Variants in TMEM235 observed in about 807,000 individuals in gnomAD.
TMEM235 encodes transmembrane protein 235.
Under a neutral mutation model 22.9 loss-of-function variants are expected in TMEM235, and 23 were observed. That is an observed-to-expected ratio of 1.00 (90% CI 0.72 to 1.42). The LOEUF is 1.42. Ranked by LOEUF, TMEM235 falls within the 40% of genes most tolerant of loss-of-function variation. The pLI is 0.00. For synonymous variants in TMEM235, 137 were observed against 140.5 expected (o/e 0.98, Z 0.17); for missense variants, 308 against 299.5 (o/e 1.03, Z -0.21).
rs1307818897 is a variant in TMEM235, at chr17:78,238,993, C to G, written c.410-31C>G. The G allele has an allele frequency of 6.6e-7, 1 of 1,523,382 alleles. No homozygotes were observed. The highest frequency in any genetic ancestry group is 1.4e-5 in the African/African-American group (1 of 72,808). The allele number at this position is 1,523,382 out of a possible 1,614,324, so 94.4% of individuals were successfully genotyped here. A position where few individuals can be genotyped will look rare whatever the true frequency, so the allele number is the denominator to read the frequency against. On this transcript the variant is annotated intron_variant, in intron 4 of 5. Coordinates refer to ENST00000421688, the Ensembl canonical transcript of TMEM235. This position sits in a 1 kb window ranked among gnomAD's most constrained non-coding sequence, Gnocchi z 4.3. ...GGCCTGGGCCCGCTAGAGCAGACAC[C>G]GAGCAGCTGCCCTCCCCATCTCTCC...
At chr17:78,236,657 C>T (rs1166276498) in intron 4 of TMEM235, among the ~76,000 whole-genome samples, 3 of 152,230 alleles carry the variant, frequency 2.0e-5, no homozygotes, top group Non-Finnish European at 2.9e-5. Flanking sequence ...TGTCCTCAGC[C>T]GCCCCTGTCA....
rs1335428131 is a variant in TMEM235 at position 78,237,898 on chromosome 17, G to T, written c.410-1126G>T. Among the ~76,000 whole-genome samples, 1 of 152,150 alleles carries T rather than the reference G, an allele frequency of 6.6e-6. No individual in the cohort carries two copies. The highest frequency in any genetic ancestry group is 2.4e-5 in the African/African-American group (1 of 41,426). On this transcript the variant is annotated intron_variant, in intron 4 of 5. Transcript: ENST00000421688. This position sits in a 1 kb window ranked among gnomAD's most constrained non-coding sequence, Gnocchi z 4.7. Reference sequence around the variant, plus strand: ...TCTTCTTCCCAAGTTTGGTTCCCAGGAGGAATCACAGAAGACCAGGCTGTG... The same window carrying T: ...TCTTCTTCCCAAGTTTGGTTCCCAGTAGGAATCACAGAAGACCAGGCTGTG...
Position 78,238,895 on chromosome 17 carries a change from G to A in TMEM235, c.410-129G>A. The A allele has an allele frequency of 7.3e-7, 1 of 1,372,724 alleles. No individual in the cohort carries two copies. The allele number at this position is 1,372,724 out of a possible 1,614,324, so 85.0% of individuals were successfully genotyped here. A position where few individuals can be genotyped will look rare whatever the true frequency, so the allele number is the denominator to read the frequency against. On this transcript the variant is annotated intron_variant, in intron 4 of 5. Transcript: ENST00000421688. The surrounding 1 kb of genome is among the most constrained non-coding windows in gnomAD (Gnocchi z 4.3). ...AGGGCTAACCATGACAGGAAGGGCG[G>A]TGTGCTGCCTGCAGCTCTGCCTGAA...
chr17:78,240,017 C>T, exon 6 of TMEM235: 4 of 1,524,636 alleles, frequency 2.6e-6, no homozygotes, highest in Non-Finnish European at 3.5e-6. Context: ...TGTTCTCAAG[C>T]CTGCTAGGTA....
chr17:78,231,443 G>A (rs1485238967), exon 2 of TMEM235: 21 of 1,299,246 alleles, frequency 1.6e-5, no homozygotes, highest in Non-Finnish European at 2.1e-5. Flanking sequence ...CCCCCGCCCG[G>A]CTGTGGGGCC....
intron 2 of TMEM235, 34 bp downstream of exon 1, chr17:78,232,247 G>A: frequency 1.4e-6 from 2 of 1,419,288 alleles, no homozygotes; most frequent in South Asian, 2.9e-5. Context: ...TCCTCCCTCC[G>A]CGACCTCGTC....
In TMEM235 at chr17:78,238,550, CTGTGTGTGTGTG is replaced by C. The variant is rs55893266; in HGVS notation, c.410-449_410-438del. Reference sequence around the variant, plus strand: ...GCTGCTGCCAGCAGAGGCCATGGCTCTGTGTGTGTGTGTGTGTGTGTGTGTGTGTGTGTGTGA... The same window carrying C: ...GCTGCTGCCAGCAGAGGCCATGGCTCTGTGTGTGTGTGTGTGTGTGTGTGA... On this transcript the variant is annotated intron_variant, in intron 4 of 5. Coordinates refer to ENST00000421688, the Ensembl canonical transcript of TMEM235. This position sits in a 1 kb window ranked among gnomAD's most constrained non-coding sequence, Gnocchi z 4.3. Among the ~76,000 whole-genome samples, 6,022 of 138,306 alleles carry C rather than the reference CTGTGTGTGTGTG, an allele frequency of 0.044. 175 individuals carry two copies. The highest frequency in any genetic ancestry group is 0.062 in the African/African-American group (2,290 of 37,164). 90.7% of individuals were successfully genotyped at this position (138,306 alleles called of 152,430 possible).
chr17:78,231,832 G>T, exon 2 of TMEM235: 1 of 1,198,768 alleles, frequency 8.3e-7, no homozygotes, highest in Non-Finnish European at 1.1e-6. Flanking sequence ...CCGCAGAGAG[G>T]TGGGGTCGAT....
Position 78,239,763 on chromosome 17 carries a change from C to A in TMEM235, c.660-17C>A, listed in dbSNP as rs1272353324. On this transcript the variant is annotated splice_polypyrimidine_tract_variant and intron_variant, in intron 5 of 5. Transcript: ENST00000421688. ...GCAATGGCCCTACTCAATGACTACC[C>A]TTTATCCATTTTACAGAGGGGGAGA... 20 of 1,537,074 alleles carry A rather than the reference C, an allele frequency of 1.3e-5. No homozygotes were observed. Among genetic ancestry groups the A allele is most frequent in the Non-Finnish European group, 1.8e-5 (20 of 1,135,192 alleles).
chr17:78,234,334 C>A (rs941697692), intron 3 of TMEM235: 3 of 702,788 alleles, frequency 4.3e-6, no homozygotes, highest in African/African-American at 1.7e-5. Flanking sequence ...CTGGCTGGCA[C>A]CTTCCACCTG....
At chr17:78,231,428 G>A (rs1019881215) in intron 1 of TMEM235, 31 of 1,289,410 alleles carry the variant, frequency 2.4e-5, no homozygotes, top group Admixed American at 1.2e-4. Context: ...TTTTCCTTCC[G>A]CAGCCCCCCG....
chr17:78,232,422 G>A (rs2076593248), intron 2 of TMEM235, among the ~76,000 whole-genome samples: 2 of 152,184 alleles, frequency 1.3e-5, no homozygotes, highest in African/African-American at 4.8e-5. Context: ...AGGAGGGAGG[G>A]AGCCCAGTTC....
chr17:78,231,811 G>A lies in TMEM235; in HGVS notation c.-213G>A, dbSNP rs892184137. 48 of 1,208,414 alleles carry A rather than the reference G, an allele frequency of 4.0e-5. 1 individual carries two copies. The highest frequency in any genetic ancestry group is 4.7e-4 in the Middle Eastern group (2 of 4,232). The allele number at this position is 1,208,414 out of a possible 1,614,324, so 74.9% of individuals were successfully genotyped here. A position where few individuals can be genotyped will look rare whatever the true frequency, so the allele number is the denominator to read the frequency against. On this transcript the variant is annotated 5_prime_UTR_variant, in exon 2 of 6. Transcript: ENST00000421688. ...ACTTCCTCTCCTTTCCCCCAGGGGC[G>A]AGCTCAGCGACCGCAGAGAGGTGGG...
At chr17:78,235,346 C>T (rs1201238056) in intron 4 of TMEM235, among the ~76,000 whole-genome samples, 3 of 151,284 alleles carry the variant, frequency 2.0e-5, no homozygotes, top group East Asian at 2.0e-4. Flanking sequence ...GGAGTGCAAT[C>T]GCATGATCTC....
At chr17:78,234,603 T>C in exon 4 of TMEM235, 2 of 1,536,220 alleles carry the variant, frequency 1.3e-6, no homozygotes, top group Non-Finnish European at 1.7e-6. Context: ...TGCTGCACCG[T>C]GCAGTCATTG....
At chr17:78,240,135 C>T (rs900441155) in exon 6 of TMEM235, 22 of 1,215,668 alleles carry the variant, frequency 1.8e-5, no homozygotes, top group East Asian at 3.7e-5. Context: ...TGCAGCAACC[C>T]GGGGGAGGTA....
rs1268541954 is a variant in TMEM235 at position 78,233,985 on chromosome 17, G to A, written c.271+10G>A. The A allele has an allele frequency of 6.6e-7, 1 of 1,514,506 alleles. No homozygotes were observed. The highest frequency in any genetic ancestry group is 1.4e-5 in the African/African-American group (1 of 72,438). 93.8% of individuals were successfully genotyped at this position (1,514,506 alleles called of 1,614,324 possible). On this transcript the variant is annotated intron_variant, in intron 3 of 5. Coordinates refer to ENST00000421688, the Ensembl canonical transcript of TMEM235. ...GTGCAGCACCTCATCTGTGAGTCCT[G>A]GGTGGGGCCACCTCCCCATCCTTTC...
At chr17:78,239,816 A>G (rs1433315197) in exon 6 of TMEM235, 1 of 1,550,802 alleles carries the variant, frequency 6.4e-7, no homozygotes, top group African/African-American at 1.4e-5. Context: ...AGAGGGACCC[A>G]CCCAGATCGC....
chr17:78,234,582 C>G lies in TMEM235; in HGVS notation c.272-11C>G. 1 of 1,535,968 alleles carries G rather than the reference C, an allele frequency of 6.5e-7. No individual in the cohort carries two copies. Among genetic ancestry groups the G allele is most frequent in the East Asian group, 2.4e-5 (1 of 40,910 alleles). On this transcript the variant is annotated splice_polypyrimidine_tract_variant and intron_variant, in intron 3 of 5. Coordinates refer to ENST00000421688, the Ensembl canonical transcript of TMEM235. Reference sequence around the variant, plus strand: ...GGACCAGAATTCTCACCTGAGCCCCCTTTCCTGCAGTGCTGCACCGTGCAG... The same window carrying G: ...GGACCAGAATTCTCACCTGAGCCCCGTTTCCTGCAGTGCTGCACCGTGCAG...
Sources: gnomAD v4.1 joint callset for allele counts (sites outside exome capture counted in the v4.1 genomes callset) on GRCh38, gnomAD v4.1.1 for gene constraint, Gnocchi (gnomAD v3.1) non-coding constraint, MANE v1.5 for transcripts, NCBI Gene and HGNC (gene_info 2026-07-23, HGNC 2026-07-21) for gene names.